The following DLG2 variants were observed in gnomAD, a reference collection of about 807,000 sequenced individuals.
DLG2 encodes the protein discs large MAGUK scaffold protein 2, also known as disks large homolog 2.
A neutral mutation model predicts 132.5 loss-of-function variants in DLG2; 45 were observed. The ratio of observed to expected loss-of-function variants is 0.34; its 90% CI spans 0.27 to 0.44. The LOEUF (loss-of-function observed/expected upper bound fraction) is 0.44, where lower values mean the gene tolerates loss of function less well. DLG2 is among the 20% of genes least tolerant of loss of function. The pLI, the probability that DLG2 is intolerant of heterozygous loss-of-function variation, is 1.00. For missense variants in DLG2, 1,045 were observed against 1,196.9 expected (o/e 0.87, Z 1.87); for synonymous variants, 424 against 419.6 (o/e 1.01, Z -0.13).
intron 6 of DLG2, among the ~76,000 whole-genome samples, chr11:84,703,889 T>TATATATATATATATATATAC (rs1209326577): frequency 3.0e-5 from 2 of 66,124 alleles, no homozygotes; most frequent in East Asian, 3.3e-4. Context: ...TATATACACG[T>TATATATATATATATATATAC]GTGTGTGTGT....
In DLG2 at chr11:84,917,144, T is replaced by G. The variant is rs534322806; in HGVS notation, c.357+194517A>C. On this transcript the variant is annotated intron_variant, in intron 6 of 27. Transcript: ENST00000376104. ...AGGGTAGAGATTATTGTCTGTTTTA[T>G]TTTACCCTTTATTTATAACACCTAG... is the stretch of plus-strand genomic sequence containing the variant. Among the ~76,000 whole-genome samples, 256 of 152,328 alleles carry G rather than the reference T, an allele frequency of 1.7e-3. 1 individual carries two copies. Among genetic ancestry groups the G allele is most frequent in the African/African-American group, 5.8e-3 (243 of 41,574 alleles).
At chr11:85,302,530 C>T (rs1273263046) in intron 3 of DLG2, among the ~76,000 whole-genome samples, 1 of 151,816 alleles carries the variant, frequency 6.6e-6, no homozygotes, top group Non-Finnish European at 1.5e-5. Context: ...GAGCACCTGA[C>T]CTGAGACTAG....
At chr11:85,438,366 G>A (rs1356005339) in intron 3 of DLG2, among the ~76,000 whole-genome samples, 1 of 152,006 alleles carries the variant, frequency 6.6e-6, no homozygotes, top group African/African-American at 2.4e-5. Flanking sequence ...TAACTTAGTT[G>A]TTGTTTTTCT....
intron 5 of DLG2, among the ~76,000 whole-genome samples, chr11:85,131,412 A>G (rs2075698396): frequency 6.6e-6 from 1 of 152,188 alleles, no homozygotes. Flanking sequence ...CAAGAAAAGT[A>G]ACACAAGGGT....
intron 3 of DLG2, among the ~76,000 whole-genome samples, chr11:85,593,172 T>C (rs1591114443): frequency 1.3e-5 from 2 of 152,282 alleles, no homozygotes; most frequent in East Asian, 3.9e-4. Context: ...TAATGGCTCA[T>C]TATAGTCGTT....
At chr11:84,161,907 C>A (rs1444904560) in intron 9 of DLG2, among the ~76,000 whole-genome samples, 1 of 152,050 alleles carries the variant, frequency 6.6e-6, no homozygotes, top group Non-Finnish European at 1.5e-5. Flanking sequence ...AGTTAGCATA[C>A]CATTAAAATT....
At chr11:85,289,652 C>A (rs1310297530) in intron 3 of DLG2, among the ~76,000 whole-genome samples, 1 of 152,102 alleles carries the variant, frequency 6.6e-6, no homozygotes, top group Non-Finnish European at 1.5e-5. Context: ...TGCCTTGTTC[C>A]CTTACGACAT....
chr11:84,092,846 G>A (rs887640249), intron 10 of DLG2, among the ~76,000 whole-genome samples: 5 of 151,930 alleles, frequency 3.3e-5, no homozygotes, highest in African/African-American at 1.2e-4. Context: ...GACAAGCCTG[G>A]CCAACATGGT....
At chr11:85,043,599 T>C (rs2062053665) in intron 6 of DLG2, among the ~76,000 whole-genome samples, 1 of 152,004 alleles carries the variant, frequency 6.6e-6, no homozygotes, top group Non-Finnish European at 1.5e-5. Context: ...GATCTCTAAT[T>C]TCCAATTTAG....
intron 6 of DLG2, among the ~76,000 whole-genome samples, chr11:85,043,196 T>C (rs939847776): frequency 6.6e-6 from 1 of 151,840 alleles, no homozygotes; most frequent in African/African-American, 2.4e-5. Flanking sequence ...CTGTTATAAA[T>C]AACTTTATTC....
chr11:84,626,939 T>A (rs2099623819), intron 6 of DLG2, among the ~76,000 whole-genome samples: 1 of 151,770 alleles, frequency 6.6e-6, no homozygotes, highest in South Asian at 2.1e-4. Flanking sequence ...AGGCACAATC[T>A]CAGCTCACTG....
chr11:84,521,184 T>C (rs564139158), intron 7 of DLG2, among the ~76,000 whole-genome samples: 2 of 152,340 alleles, frequency 1.3e-5, no homozygotes, highest in South Asian at 4.1e-4. Context: ...GAGAGGTTGG[T>C]CTAGCGTCAA....
At chr11:84,626,081 C>T (rs1191773511) in intron 6 of DLG2, among the ~76,000 whole-genome samples, 2 of 152,066 alleles carry the variant, frequency 1.3e-5, no homozygotes, top group Non-Finnish European at 2.9e-5. Context: ...GAGACTAGTT[C>T]GGGTGATTCA....
chr11:85,431,926 G>A (rs1030862665), intron 3 of DLG2, among the ~76,000 whole-genome samples: 16 of 152,268 alleles, frequency 1.1e-4, no homozygotes, highest in Admixed American at 7.8e-4. Flanking sequence ...GCATCAGGTC[G>A]GTGCCCCTTT....
At chr11:84,812,476 T>C (rs1322129735) in intron 6 of DLG2, among the ~76,000 whole-genome samples, 1 of 152,124 alleles carries the variant, frequency 6.6e-6, no homozygotes, top group Non-Finnish European at 1.5e-5. Context: ...TATGCACAGA[T>C]TGCACTGTTC....
chr11:84,655,734 GTTTGT>G (rs974859005), intron 6 of DLG2, among the ~76,000 whole-genome samples: 1 of 131,842 alleles, frequency 7.6e-6, no homozygotes, highest in Non-Finnish European at 1.7e-5. Context: ...GTTTTTTTTT[GTTTGT>G]TTTTTTTTTT....
At chr11:85,590,890 C>T (rs965314933) in intron 3 of DLG2, among the ~76,000 whole-genome samples, 7 of 152,152 alleles carry the variant, frequency 4.6e-5, no homozygotes, top group African/African-American at 1.7e-4. Flanking sequence ...TGGGGTTTCA[C>T]TATCTCACTA....
intron 6 of DLG2, among the ~76,000 whole-genome samples, chr11:84,923,954 G>T (rs575275513): frequency 1.3e-5 from 2 of 152,082 alleles, no homozygotes; most frequent in Non-Finnish European, 2.9e-5. Context: ...AATGAGATGG[G>T]GTTGAAATGG....
chr11:84,170,824 C>G (rs1247567322), intron 8 of DLG2, among the ~76,000 whole-genome samples: 1 of 152,122 alleles, frequency 6.6e-6, no homozygotes, highest in Non-Finnish European at 1.5e-5. Flanking sequence ...TCCCTCCCAG[C>G]TCTGACCTAG....
Sources: gnomAD v4.1 joint callset for allele counts (sites outside exome capture counted in the v4.1 genomes callset) on GRCh38, gnomAD v4.1.1 for gene constraint, MANE v1.5 for transcripts, NCBI Gene and HGNC (gene_info 2026-07-23, HGNC 2026-07-21) for gene names.